Variants in ATF3 observed in about 807,000 individuals in gnomAD.
ATF3 encodes the protein cyclic AMP-dependent transcription factor ATF-3.
In ATF3, 10 loss-of-function variants were observed where a neutral mutation model predicts 18.4. That is an observed-to-expected ratio of 0.54 (90% CI 0.34 to 0.92). The LOEUF (loss-of-function observed/expected upper bound fraction) is 0.92. Ranked by LOEUF, ATF3 falls within the 40% of genes least tolerant of loss-of-function variation. The pLI, the probability that ATF3 is intolerant of heterozygous loss-of-function variation, is 0.02. For synonymous variants in ATF3, 78 were observed against 87.9 expected, an observed-to-expected ratio of 0.89 and a Z score of 0.63; for missense variants, 183 against 222.3, an observed-to-expected ratio of 0.82 and a Z score of 1.12.
In ATF3 at chr1:212,570,182, T is replaced by G. The variant is rs1664454706; in HGVS notation, c.-5+4699T>G. Reference sequence around the variant, plus strand: ...AATTCCCTGGCTTGACATTTACATTTGAATGTAAGTTATATTTATATATTT... The same window carrying G: ...AATTCCCTGGCTTGACATTTACATTGGAATGTAAGTTATATTTATATATTT... On this transcript the variant is annotated intron_variant, in intron 1 of 3. Transcript: ENST00000366981. Among the ~76,000 whole-genome samples the G allele has an allele frequency of 2.0e-5, 3 of 152,202 alleles. No individual in the cohort carries two copies. In the South Asian group the frequency reaches 6.2e-4, roughly 31 times the overall value.
chr1:212,591,001 A>C (rs1664873576), intron 1 of ATF3, among the ~76,000 whole-genome samples: 1 of 152,226 alleles, frequency 6.6e-6, no homozygotes, highest in Non-Finnish European at 1.5e-5. Flanking sequence ...TTGTTGAAAG[A>C]ATACAATTCA....
intron 1 of ATF3, among the ~76,000 whole-genome samples, chr1:212,583,230 GT>G (rs113765983): frequency 1.2e-3 from 187 of 151,550 alleles, no homozygotes; most frequent in African/African-American, 4.5e-3. Flanking sequence ...TTCTCTCTCT[GT>G]TTTTTTTTAA....
chr1:212,601,794 T>G (rs1468570110), intron 1 of ATF3, among the ~76,000 whole-genome samples: 2 of 152,170 alleles, frequency 1.3e-5, no homozygotes, highest in African/African-American at 4.8e-5. Flanking sequence ...AGATGGAACT[T>G]TCCATGAGGG....
intron 1 of ATF3, among the ~76,000 whole-genome samples, chr1:212,596,678 G>A (rs1044980270): frequency 6.6e-6 from 1 of 152,216 alleles, no homozygotes. Flanking sequence ...CTCACCCACT[G>A]GCTCCCCTTT....
chr1:212,595,386 C>T (rs1471384181), intron 1 of ATF3, among the ~76,000 whole-genome samples: 3 of 152,218 alleles, frequency 2.0e-5, no homozygotes, highest in African/African-American at 7.2e-5. Flanking sequence ...CAGGCTACAG[C>T]CCCCTGCCTT....
intron 1 of ATF3, among the ~76,000 whole-genome samples, chr1:212,589,991 TA>T (rs1664851799): frequency 6.6e-6 from 1 of 152,152 alleles, no homozygotes; most frequent in Admixed American, 6.5e-5. Context: ...CTGTTAAACT[TA>T]AGTTCCAGCT....
intron 1 of ATF3, among the ~76,000 whole-genome samples, chr1:212,610,205 T>C (rs898345789): frequency 6.6e-6 from 1 of 152,218 alleles, no homozygotes; most frequent in Non-Finnish European, 1.5e-5. Flanking sequence ...TTTCCCTAAT[T>C]TCATTGCATA....
upstream of ATF3, among the ~76,000 whole-genome samples, chr1:212,606,757 A>C (rs1388985465): frequency 6.6e-6 from 1 of 152,236 alleles, no homozygotes; most frequent in East Asian, 1.9e-4. Flanking sequence ...AAAATAGCTA[A>C]GTAGAGATAA....
At chr1:212,609,828 G>C (rs573909433) in intron 1 of ATF3, among the ~76,000 whole-genome samples, 1 of 152,360 alleles carries the variant, frequency 6.6e-6, no homozygotes, top group Admixed American at 6.5e-5. Flanking sequence ...CACTGCAATC[G>C]ATGTCGTTGG....
chr1:212,604,953 C>T (rs1294723860), upstream of ATF3, among the ~76,000 whole-genome samples: 1 of 152,158 alleles, frequency 6.6e-6, no homozygotes, highest in African/African-American at 2.4e-5. Context: ...CAGTGTCTGC[C>T]TGGGCTCTCA....
At chr1:212,590,881 C>T (rs1558230478) in intron 1 of ATF3, among the ~76,000 whole-genome samples, 2 of 152,196 alleles carry the variant, frequency 1.3e-5, no homozygotes, top group Non-Finnish European at 2.9e-5. Context: ...AGGGCGCCAA[C>T]CACTTAGATG....
intron 1 of ATF3, among the ~76,000 whole-genome samples, chr1:212,579,980 TAA>T (rs776918394): frequency 4.6e-5 from 6 of 130,550 alleles, no homozygotes; most frequent in Non-Finnish European, 5.0e-5. Context: ...CCGTCTCTAC[TAA>T]AAAAAAAAAA....
intron 1 of ATF3, among the ~76,000 whole-genome samples, chr1:212,597,242 A>G (rs1486430090): frequency 1.3e-5 from 2 of 152,202 alleles, no homozygotes; most frequent in African/African-American, 2.4e-5. Flanking sequence ...GACGACAAGA[A>G]AAAAGGGGCC....
At chr1:212,599,741 A>G (rs17019440) in intron 1 of ATF3, among the ~76,000 whole-genome samples, 8,867 of 152,194 alleles carry the variant, frequency 0.058, 486 homozygotes, top group African/African-American at 0.14. Context: ...CCCCAATGCT[A>G]TGCTCTATAA....
At chr1:212,577,247 G>T (rs1558225490) in intron 1 of ATF3, among the ~76,000 whole-genome samples, 1 of 151,976 alleles carries the variant, frequency 6.6e-6, no homozygotes, top group Non-Finnish European at 1.5e-5. Flanking sequence ...TTATTCCTTT[G>T]TAGGTAAATT....
intron 1 of ATF3, among the ~76,000 whole-genome samples, chr1:212,566,267 T>C (rs1236942011): frequency 6.6e-6 from 1 of 152,210 alleles, no homozygotes; most frequent in Non-Finnish European, 1.5e-5. Context: ...CCAGCCCCAC[T>C]AGTCCTCTTC....
At chr1:212,585,091 G>T (rs937621859) in intron 1 of ATF3, among the ~76,000 whole-genome samples, 1 of 152,198 alleles carries the variant, frequency 6.6e-6, no homozygotes, top group African/African-American at 2.4e-5. Flanking sequence ...TGTCGGAGGG[G>T]TGGGAGGGCC....
chr1:212,578,297 T>C (rs547033107), intron 1 of ATF3, among the ~76,000 whole-genome samples: 7 of 152,254 alleles, frequency 4.6e-5, no homozygotes, highest in Non-Finnish European at 8.8e-5. Context: ...AGTTGGTATC[T>C]ATGAGAAGGC....
At position 212,608,778 on chromosome 1, in the gene ATF3, G is replaced by A. The variant is rs1381332877; in HGVS notation, c.-157G>A. The A allele has an allele frequency of 1.3e-5, 2 of 152,304 alleles. No individual in the cohort carries two copies. The highest frequency in any genetic ancestry group is 4.8e-5 in the African/African-American group (2 of 41,404). 9.4% of individuals were successfully genotyped at this position (152,304 alleles called of 1,614,324 possible). A position where few individuals can be genotyped will look rare whatever the true frequency, so the allele number is the denominator to read the frequency against. On this transcript the variant is annotated 5_prime_UTR_variant, in exon 1 of 4. Coordinates refer to ENST00000341491, the MANE Select transcript of ATF3 (RefSeq NM_001674.4). ...TCCAAGCCACAGTCGCACGCAGCCAGGCGCGCACTGCACAGCTCTCTTCTC... is the reference window on the plus strand; with the variant it reads ...TCCAAGCCACAGTCGCACGCAGCCAAGCGCGCACTGCACAGCTCTCTTCTC...
Sources: allele counts gnomAD v4.1 joint callset (sites outside exome capture counted in the v4.1 genomes callset), GRCh38; gene constraint gnomAD v4.1.1; transcripts MANE v1.5; gene names NCBI Gene and HGNC (gene_info 2026-07-23, HGNC 2026-07-21).